Variants in DSG1 observed in about 807,000 individuals in gnomAD.
DSG1 encodes desmoglein-1.
Under a neutral mutation model 97.5 loss-of-function variants are expected in DSG1, and 39 were observed. That is an observed-to-expected ratio of 0.40 (90% CI 0.31 to 0.52). DSG1 has a LOEUF of 0.52. DSG1 is among the 20% of genes least tolerant of loss of function. The pLI is 0.53. For missense variants in DSG1, 1,311 were observed against 1,295.4 expected, an observed-to-expected ratio of 1.01 and a Z score of -0.18; for synonymous variants, 475 against 443.4, an observed-to-expected ratio of 1.07 and a Z score of -0.90.
rs1448723985 is a variant in DSG1, at chr18:31,336,264, T to TAA, written c.1006-89_1006-88dup. 9.7e-6 allele frequency: 10 copies of TAA among 1,030,926 alleles called. No individual in the cohort carries two copies. The African/African-American group carries it at 1.7e-4, about 18-fold the overall frequency. The allele number at this position is 1,030,926 out of a possible 1,614,324, so 63.9% of individuals were successfully genotyped here. On this transcript the variant is annotated intron_variant, in intron 8 of 14. Coordinates refer to ENST00000257192, the MANE Select transcript of DSG1 (RefSeq NM_001942.4). ...TTTGTGTTTCATAAAAGAAAGATAA[T>TAA]AAGTTTTTTTTGCTATTATCAAAGG...
In DSG1 at chr18:31,329,963, G is replaced by T; in HGVS notation, c.444G>T (p.Leu148Phe). ...CTCTAGAGCTCAGAGTCAGGGTTTT[G>T]GATATAAATGACAACCCTCCAGTGT... is the stretch of plus-strand genomic sequence containing the variant. Reference protein sequence around the residue: ...ERPLELRVRVLDINDNPPVFS... With the variant: ...ERPLELRVRVFDINDNPPVFS... The change falls in exon 5 of 15, where the codon TTG becomes TTT. Residue 148 changes from leucine (L) to phenylalanine (F), a missense_variant. Leu to Phe is a conservative substitution (Grantham distance 22). Around this residue, in one of 3 missense-constraint regions of DSG1, gnomAD observed 259 missense variants for 304.1 expected, o/e 0.85. Transcript: ENST00000257192. 1 of 1,613,238 alleles carries T rather than the reference G, an allele frequency of 6.2e-7. No individual in the cohort carries two copies. The highest frequency in any genetic ancestry group is 1.1e-5 in the South Asian group (1 of 91,058).
rs2071756753 is a variant in DSG1 at position 31,336,696 on chromosome 18, G to A, written c.1265+83G>A. The A allele has an allele frequency of 2.2e-6, 3 of 1,360,266 alleles. No individual in the cohort carries two copies. The South Asian group carries it at 3.8e-5, about 17-fold the overall frequency. 84.3% of individuals were successfully genotyped at this position (1,360,266 alleles called of 1,614,324 possible). On this transcript the variant is annotated intron_variant, in intron 9 of 14. Transcript: ENST00000257192. Reference sequence around the variant, plus strand: ...CTTTTTATAGATTATAAGTATCTGAGTTAAAATACTTTTCATTATTTTTGA... The same window carrying A: ...CTTTTTATAGATTATAAGTATCTGAATTAAAATACTTTTCATTATTTTTGA...
intron 1 of DSG1, among the ~76,000 whole-genome samples, chr18:31,323,132 C>T (rs1487692366): frequency 1.3e-5 from 2 of 152,118 alleles, no homozygotes; most frequent in Non-Finnish European, 2.9e-5. Context: ...ATGACTTACC[C>T]CAAAGTCCCT....
chr18:31,325,772 C>T (rs149215806), intron 1 of DSG1, among the ~76,000 whole-genome samples: 61 of 152,170 alleles, frequency 4.0e-4, no homozygotes, highest in African/African-American at 1.4e-3. Context: ...AATAGGCTAT[C>T]TCATATTTTA....
intron 14 of DSG1, among the ~76,000 whole-genome samples, chr18:31,353,560 T>G (rs551178522): frequency 0.039 from 5,967 of 152,036 alleles, 393 homozygotes; most frequent in African/African-American, 0.14. Context: ...CGGGCGCCCC[T>G]CCCCCAGCCT....
chr18:31,354,283 T>G lies in DSG1; in HGVS notation c.2101-14T>G. The G allele has an allele frequency of 6.2e-7, 1 of 1,610,102 alleles. No homozygotes were observed. Among genetic ancestry groups the G allele is most frequent in the Non-Finnish European group, 8.5e-7 (1 of 1,176,334 alleles). On this transcript the variant is annotated splice_polypyrimidine_tract_variant and intron_variant, in intron 14 of 14. Transcript: ENST00000257192. ...CATTCATAATTTCATTTTCTCTTTC[T>G]CCTATAAATTCAGAAAGCATATGCT...
chr18:31,333,500 G>A (rs2071733023), intron 6 of DSG1, 89 bp from the exon 7 acceptor site: 8 of 1,553,618 alleles, frequency 5.1e-6, no homozygotes, highest in Admixed American at 3.3e-5. Context: ...TTATGTAAAC[G>A]TTGAGCCAAC....
intron 9 of DSG1, among the ~76,000 whole-genome samples, chr18:31,337,375 G>C (rs1440606665): frequency 2.0e-5 from 3 of 152,048 alleles, no homozygotes; most frequent in Non-Finnish European, 4.4e-5. Context: ...TCCTCCCTCA[G>C]CCTCCCAAGT....
At chr18:31,347,353 AT>A (rs1374893241) in intron 14 of DSG1, among the ~76,000 whole-genome samples, 4 of 152,116 alleles carry the variant, frequency 2.6e-5, no homozygotes, top group Admixed American at 1.3e-4. Context: ...TGATTACCCT[AT>A]CTAAAAGAAC....
intron 7 of DSG1, 124 bp downstream of exon 7, chr18:31,333,847 C>T: frequency 1.5e-6 from 2 of 1,291,114 alleles, no homozygotes; most frequent in Non-Finnish European, 2.2e-6. Flanking sequence ...TAGACACATA[C>T]TTTTTTCTTG....
intron 2 of DSG1, 46 bp downstream of exon 2, chr18:31,326,662 T>A: frequency 6.7e-7 from 1 of 1,496,112 alleles, no homozygotes; most frequent in Non-Finnish European, 9.3e-7. Flanking sequence ...AACAAGAAAA[T>A]AATTTGAGAA....
chr18:31,343,338 G>T lies in DSG1; in HGVS notation c.1688-112G>T. On this transcript the variant is annotated intron_variant, in intron 11 of 14. Coordinates refer to ENST00000257192, the MANE Select transcript of DSG1 (RefSeq NM_001942.4). ...GTATTCTGAAACTTTCATAATTTTAGAACCAACCAGAATTATATTACGAAT... is the reference window on the plus strand; with the variant it reads ...GTATTCTGAAACTTTCATAATTTTATAACCAACCAGAATTATATTACGAAT... The T allele has an allele frequency of 1.3e-6, 2 of 1,482,480 alleles. 1 individual carries two copies. The allele number at this position is 1,482,480 out of a possible 1,614,324, so 91.8% of individuals were successfully genotyped here. A position where few individuals can be genotyped will look rare whatever the true frequency, so the allele number is the denominator to read the frequency against.
At position 31,354,933 on chromosome 18, in the gene DSG1, C is replaced by T; in HGVS notation, c.2737C>T (p.His913Tyr). The change falls in exon 15 of 15, where the codon CAT (histidine) becomes TAT (tyrosine). Residue 913 changes from histidine to tyrosine, a missense_variant. Coordinates refer to ENST00000257192, the MANE Select transcript of DSG1 (RefSeq NM_001942.4). Reference protein sequence around the residue: ...SSLPTSLTIHHPRESSNVVVT... With the variant: ...SSLPTSLTIHYPRESSNVVVT... ...TCTACCCACCTCTCTGACTATCCAT[C>T]ATCCTAGAGAGTCTTCAAATGTGGT... The T allele has an allele frequency of 6.2e-7, 1 of 1,614,196 alleles. No individual in the cohort carries two copies. Among genetic ancestry groups the T allele is most frequent in the Non-Finnish European group, 8.5e-7 (1 of 1,180,038 alleles).
rs557916314 is a variant in DSG1, at chr18:31,336,505, G to A, written c.1157G>A (p.Arg386His). Residue 386 changes from arginine (R) to histidine (H), a missense_variant, in exon 9 of 15, where the codon CGT (arginine) becomes CAT (histidine). Arg to His is a conservative substitution (Grantham distance 29). Coordinates refer to ENST00000257192, the MANE Select transcript of DSG1 (RefSeq NM_001942.4). Reference protein sequence around the residue: ...VLNVIEGPVFRPGSKTYVVTG... With the variant: ...VLNVIEGPVFHPGSKTYVVTG... ...AATGTAATTGAAGGCCCAGTGTTTCGTCCAGGTTCAAAGACATATGTTGTA... is the reference window on the plus strand; with the variant it reads ...AATGTAATTGAAGGCCCAGTGTTTCATCCAGGTTCAAAGACATATGTTGTA... 27 of 1,613,954 alleles carry A rather than the reference G, an allele frequency of 1.7e-5. No homozygotes were observed. Among genetic ancestry groups the A allele is most frequent in the East Asian group, 6.7e-5 (3 of 44,832 alleles).
chr18:31,345,993 T>C lies in DSG1; in HGVS notation c.1895T>C (p.Val632Ala), dbSNP rs765332094. 6 of 1,612,770 alleles carry C rather than the reference T, an allele frequency of 3.7e-6. No homozygotes were observed. Among genetic ancestry groups the C allele is most frequent in the Non-Finnish European group, 5.1e-6 (6 of 1,179,074 alleles). The change falls in exon 14 of 15, where the codon GTT becomes GCT. Residue 632 changes from valine to alanine, a missense_variant. Coordinates refer to ENST00000257192, the MANE Select transcript of DSG1 (RefSeq NM_001942.4). The stretch of plus-strand genomic sequence containing the variant: ...TTAATTTGATCAACACTTTTAGGAG[T>C]TTATACAAATGAGTATGGTGGCAGA... ...NIIECIDNSG[V>A]YTNEYGGREM...
At chr18:31,321,038 T>C (rs2071650239) in intron 1 of DSG1, among the ~76,000 whole-genome samples, 1 of 152,156 alleles carries the variant, frequency 6.6e-6, no homozygotes, top group Non-Finnish European at 1.5e-5. Flanking sequence ...GATCTGATTA[T>C]TTTGGTTCAT....
rs552553639 is a variant in DSG1, at chr18:31,349,441, C to T, written c.2100+3243C>T. Among the ~76,000 whole-genome samples, 245 of 151,300 alleles carry T rather than the reference C, an allele frequency of 1.6e-3. 4 individuals carry two copies. Among genetic ancestry groups the T allele is most frequent in the African/African-American group, 5.3e-3 (216 of 40,626 alleles). ...TTCTTTTGGCTTAGGATTGACGTGGCGATGCGGGCTCCTTTTTTGGTTCCA... is the reference window on the plus strand; with the variant it reads ...TTCTTTTGGCTTAGGATTGACGTGGTGATGCGGGCTCCTTTTTTGGTTCCA... On this transcript the variant is annotated intron_variant, in intron 14 of 14. Coordinates refer to ENST00000257192, the MANE Select transcript of DSG1 (RefSeq NM_001942.4).
rs2071982233 is a variant in DSG1 at position 31,359,170 on chromosome 18, G to A, written c.*3824G>A. ...TTATTTGGGTGCTAGTTTCTTGCTT[G>A]GTTATCTGTTCGTTTTTTTAAGTTG... On this transcript the variant is annotated 3_prime_UTR_variant, in exon 15 of 15. Coordinates refer to ENST00000257192, the MANE Select transcript of DSG1 (RefSeq NM_001942.4). Among the ~76,000 whole-genome samples the A allele has an allele frequency of 6.6e-6, 1 of 151,940 alleles. No individual in the cohort carries two copies. Among genetic ancestry groups the A allele is most frequent in the African/African-American group, 2.4e-5 (1 of 41,368 alleles).
chr18:31,344,041 A>T (rs1378911750), intron 13 of DSG1, 46 bp downstream of exon 13: 1 of 1,332,200 alleles, frequency 7.5e-7, no homozygotes, highest in African/African-American at 1.5e-5. Context: ...TTAAGTAGGA[A>T]GTCTATTTTC....
Sources: allele counts gnomAD v4.1 joint callset (sites outside exome capture counted in the v4.1 genomes callset), GRCh38; gene constraint gnomAD v4.1.1; regional missense constraint gnomAD v4.1.1; transcripts MANE v1.5; gene names NCBI Gene and HGNC (gene_info 2026-07-23, HGNC 2026-07-21).